Variants in C6orf136 observed in about 807,000 individuals in gnomAD.
The protein encoded by C6orf136 is uncharacterized protein C6orf136.
Under a neutral mutation model 44.0 loss-of-function variants are expected in C6orf136, and 29 were observed. That is an observed-to-expected ratio of 0.66 (90% CI 0.49 to 0.90). The LOEUF (loss-of-function observed/expected upper bound fraction) is 0.90, where lower values mean the gene tolerates loss of function less well. Ranked by LOEUF, C6orf136 falls within the 40% of genes least tolerant of loss-of-function variation. The pLI, the probability that C6orf136 is intolerant of heterozygous loss-of-function variation, is 0.00. For missense variants in C6orf136, 628 were observed against 669.3 expected, an observed-to-expected ratio of 0.94 and a Z score of 0.68; for synonymous variants, 293 against 278.6, an observed-to-expected ratio of 1.05 and a Z score of -0.52.
At position 30,647,497 on chromosome 6, in the gene C6orf136, G is replaced by A; in HGVS notation, c.266G>A (p.Arg89His). The change falls in exon 1 of 6, where the codon CGC becomes CAC. Residue 89 changes from arginine to histidine, a missense_variant. Coordinates refer to ENST00000651131, the MANE Select transcript of C6orf136 (RefSeq NM_001161376.2). The surrounding 1 kb of genome is among the most constrained non-coding windows in gnomAD (Gnocchi z 4.8). ...GAGGRRCRACRARTSVLPGLR... is the reference protein window; with the variant it reads ...GAGGRRCRACHARTSVLPGLR... ...GGAGGGAGGCGCTGCCGGGCCTGTC[G>A]CGCAAGGACGTCGGTCCTCCCAGGT... 2.7e-6 allele frequency: 4 copies of A among 1,495,660 alleles called. No individual in the cohort carries two copies. Among genetic ancestry groups the A allele is most frequent in the Non-Finnish European group, 3.6e-6 (4 of 1,115,874 alleles). The allele number at this position is 1,495,660 out of a possible 1,614,324, so 92.6% of individuals were successfully genotyped here. A position where few individuals can be genotyped will look rare whatever the true frequency, so the allele number is the denominator to read the frequency against.
chr6:30,650,338 G>C (rs1767289532), intron 2 of C6orf136, among the ~76,000 whole-genome samples: 1 of 149,290 alleles, frequency 6.7e-6, no homozygotes, highest in Non-Finnish European at 1.5e-5. Context: ...AGTGAAAGGA[G>C]ATATCTCCAT....
At chr6:30,652,473 C>CCAAA (rs1248327719) in intron 4 of C6orf136, 175 bp from the exon 5 acceptor site, 1 of 664,150 alleles carries the variant, frequency 1.5e-6, no homozygotes, top group African/African-American at 1.8e-5. Flanking sequence ...AATATTGACG[C>CCAAA]CAAACACTCT....
intron 2 of C6orf136, 45 bp downstream of exon 2, chr6:30,650,004 TGGGTAA>T (rs1767259106): frequency 6.4e-7 from 1 of 1,553,130 alleles, no homozygotes; most frequent in African/African-American, 1.4e-5. Flanking sequence ...GGGAAGGATG[TGGGTAA>T]TCCTTGGACG....
Position 30,647,363 on chromosome 6 carries a change from G to C in C6orf136, c.132G>C (p.Pro44=). ...RGGGERPSSK[P]VRGAERALGS... Reference sequence around the variant, plus strand: ...GCGGGGAGAGACCCTCCTCAAAGCCGGTGCGTGGGGCGGAGCGCGCGCTGG... The same window carrying C: ...GCGGGGAGAGACCCTCCTCAAAGCCCGTGCGTGGGGCGGAGCGCGCGCTGG... Residue 44 remains proline (P), a synonymous_variant, in exon 1 of 6, where the codon CCG becomes CCC. Transcript: ENST00000651131. This position sits in a 1 kb window ranked among gnomAD's most constrained non-coding sequence, Gnocchi z 4.8. 6.6e-7 allele frequency: 1 copy of C among 1,519,494 alleles called. No homozygotes were observed. The allele number at this position is 1,519,494 out of a possible 1,614,324, so 94.1% of individuals were successfully genotyped here.
Position 30,647,956 on chromosome 6 carries a change from G to A in C6orf136, c.615+110G>A, listed in dbSNP as rs1767029477. The A allele has an allele frequency of 8.6e-6, 12 of 1,395,702 alleles. No homozygotes were observed. The highest frequency in any genetic ancestry group is 1.0e-5 in the Non-Finnish European group (11 of 1,072,862). 86.5% of individuals were successfully genotyped at this position (1,395,702 alleles called of 1,614,324 possible). On this transcript the variant is annotated intron_variant, in intron 1 of 5. Coordinates refer to ENST00000651131, the MANE Select transcript of C6orf136 (RefSeq NM_001161376.2). This position sits in a 1 kb window ranked among gnomAD's most constrained non-coding sequence, Gnocchi z 4.8. Reference sequence around the variant, plus strand: ...TAACTTTGGGTGACCTCCCCTTGCAGTTTCAACGTCGGTAAACCCAGGAGA... The same window carrying A: ...TAACTTTGGGTGACCTCCCCTTGCAATTTCAACGTCGGTAAACCCAGGAGA...
In C6orf136 at chr6:30,647,581, A is replaced by C; in HGVS notation, c.350A>C (p.Asp117Ala). The C allele has an allele frequency of 1.3e-6, 2 of 1,539,156 alleles. No homozygotes were observed. Among genetic ancestry groups the C allele is most frequent in the Non-Finnish European group, 1.8e-6 (2 of 1,138,554 alleles). ...QAAGRVCVAP[D>A]SPRLPVPRGD... The stretch of plus-strand genomic sequence containing the variant: ...GCGGGGCGCGTCTGCGTTGCGCCCG[A>C]CTCTCCGCGGTTACCTGTGCCTAGA... The change falls in exon 1 of 6, where the codon GAC (aspartate) becomes GCC (alanine). Residue 117 changes from aspartate (D) to alanine (A), a missense_variant. Physicochemically the swap from Asp to Ala is moderately radical, Grantham distance 126 (BLOSUM62 -2). Transcript: ENST00000651131. This position sits in a 1 kb window ranked among gnomAD's most constrained non-coding sequence, Gnocchi z 4.8.
Position 30,653,182 on chromosome 6 carries a change from G to A in C6orf136, c.*267G>A, listed in dbSNP as rs1767614418. 3.2e-6 allele frequency: 5 copies of A among 1,538,730 alleles called. No individual in the cohort carries two copies. Among genetic ancestry groups the A allele is most frequent in the Non-Finnish European group, 4.4e-6 (5 of 1,136,600 alleles). ...TTCCAAAAATAATTTTATTTAATAG[G>A]TATTAAATAATGTATAGAAGGAAAA... On this transcript the variant is annotated 3_prime_UTR_variant, in exon 6 of 6. Coordinates refer to ENST00000651131, the MANE Select transcript of C6orf136 (RefSeq NM_001161376.2).
Position 30,647,440 on chromosome 6 carries a change from A to G in C6orf136, c.209A>G (p.Gln70Arg). 6.8e-7 allele frequency: 1 copy of G among 1,471,962 alleles called. No homozygotes were observed. The highest frequency in any genetic ancestry group is 1.4e-5 in the South Asian group (1 of 73,390). 91.2% of individuals were successfully genotyped at this position (1,471,962 alleles called of 1,614,324 possible). ...HPPPLPTCAL[Q>R]RVDRLGVAGA... ...CCGCCCCTTCCCACCTGTGCCCTGCAGCGCGTGGACAGGCTAGGGGTCGCG... is the reference window on the plus strand; with the variant it reads ...CCGCCCCTTCCCACCTGTGCCCTGCGGCGCGTGGACAGGCTAGGGGTCGCG... Residue 70 changes from glutamine (Q) to arginine (R), a missense_variant, in exon 1 of 6, where the codon CAG becomes CGG. Transcript: ENST00000651131. This position sits in a 1 kb window ranked among gnomAD's most constrained non-coding sequence, Gnocchi z 4.8.
chr6:30,649,920 G>A lies in C6orf136; in HGVS notation c.978G>A (p.Glu326=). 1 of 1,613,916 alleles carries A rather than the reference G, an allele frequency of 6.2e-7. No individual in the cohort carries two copies. The highest frequency in any genetic ancestry group is 8.5e-7 in the Non-Finnish European group (1 of 1,179,962). The change falls in exon 2 of 6, where the codon GAG becomes GAA. Residue 326 remains glutamate (E), a synonymous_variant. Transcript: ENST00000651131. ...CCCCGTCAGGAGATCCTAGTATGGA[G>A]GAACATCTGTCTGTCATGTATGAGA... The part of the protein sequence containing the change: ...PATPSGDPSM[E]EHLSVMYERL...
intron 1 of C6orf136, among the ~76,000 whole-genome samples, chr6:30,648,696 G>A (rs1283027144): frequency 1.5e-5 from 2 of 135,112 alleles, no homozygotes; most frequent in African/African-American, 5.2e-5. Flanking sequence ...CACCGCGCCC[G>A]GCCACATTTC....
Position 30,647,732 on chromosome 6 carries a change from G to A in C6orf136, c.501G>A (p.Arg167=). The change falls in exon 1 of 6, where the codon CGG becomes CGA. Residue 167 remains arginine, a synonymous_variant. Coordinates refer to ENST00000651131, the MANE Select transcript of C6orf136 (RefSeq NM_001161376.2). This position sits in a 1 kb window ranked among gnomAD's most constrained non-coding sequence, Gnocchi z 4.8. The part of the protein sequence containing the change: ...QQPARLALGE[R]SWQEGRPVCT... ...CCGCCCGTCTTGCACTCGGAGAGCG[G>A]TCCTGGCAGGAAGGCCGGCCAGTGT... 1.9e-6 allele frequency: 3 copies of A among 1,549,732 alleles called. No individual in the cohort carries two copies. Among genetic ancestry groups the A allele is most frequent in the Non-Finnish European group, 2.6e-6 (3 of 1,146,688 alleles).
intron 3 of C6orf136, 62 bp downstream of exon 3, chr6:30,651,144 C>A (rs1767366941): frequency 1.3e-6 from 2 of 1,555,732 alleles, no homozygotes; most frequent in South Asian, 1.1e-5. Flanking sequence ...ATATACATGA[C>A]CCTTTTCACT....
Position 30,653,175 on chromosome 6 carries a change from TTAATAGGTATTAAA to T in C6orf136, c.*265_*278del. On this transcript the variant is annotated 3_prime_UTR_variant, in exon 6 of 6. Coordinates refer to ENST00000651131, the MANE Select transcript of C6orf136 (RefSeq NM_001161376.2). ...AGCTTTATTCCAAAAATAATTTTAT[TTAATAGGTATTAAA>T]TAATGTATAGAAGGAAAAGGAGCTG... 6.6e-7 allele frequency: 1 copy of T among 1,524,310 alleles called. No homozygotes were observed. The highest frequency in any genetic ancestry group is 8.8e-7 in the Non-Finnish European group (1 of 1,132,782). 94.4% of individuals were successfully genotyped at this position (1,524,310 alleles called of 1,614,324 possible).
intron 1 of C6orf136, among the ~76,000 whole-genome samples, chr6:30,648,702 ATTTC>A (rs369853832): frequency 9.6e-4 from 128 of 133,910 alleles, no homozygotes; most frequent in African/African-American, 3.2e-3. Context: ...GCCCGGCCAC[ATTTC>A]TTTAAGATTC....
At position 30,647,329 on chromosome 6, in the gene C6orf136, G is replaced by A; in HGVS notation, c.98G>A (p.Arg33Lys). The A allele has an allele frequency of 6.3e-7, 1 of 1,580,718 alleles. No individual in the cohort carries two copies. The change falls in exon 1 of 6, where the codon AGG becomes AAG. Residue 33 changes from arginine to lysine, a missense_variant. Physicochemically the swap from Arg to Lys is conservative, Grantham distance 26. Coordinates refer to ENST00000651131, the MANE Select transcript of C6orf136 (RefSeq NM_001161376.2). This position sits in a 1 kb window ranked among gnomAD's most constrained non-coding sequence, Gnocchi z 4.8. ...GTGAGCGGAGGAGAAGAGGGAGGGA[G>A]GAGAGGGGGCGGGGAGAGACCCTCC... ...PQVSGGEEGGRRGGGERPSSK... is the reference protein window; with the variant it reads ...PQVSGGEEGGKRGGGERPSSK...
At chr6:30,650,039 G>T in intron 2 of C6orf136, 80 bp downstream of exon 2, 1 of 1,306,798 alleles carries the variant, frequency 7.7e-7, no homozygotes, top group South Asian at 1.3e-5. Flanking sequence ...TAGTCAACTG[G>T]ATTCTTTTTT....
At position 30,652,009 on chromosome 6, in the gene C6orf136, G is replaced by A. The variant is rs112760564; in HGVS notation, c.1307+543G>A. On this transcript the variant is annotated intron_variant, in intron 4 of 5. Transcript: ENST00000651131. ...CTCATGCCTGTAATGCCAGCACTTT[G>A]GGAGGCCGAGGTGGGCGGATCACTT... Among the ~76,000 whole-genome samples the A allele has an allele frequency of 2.9e-3, 445 of 152,108 alleles. 3 individuals are homozygous for A. Among genetic ancestry groups the A allele is most frequent in the African/African-American group, 9.5e-3 (396 of 41,474 alleles).
At position 30,651,032 on chromosome 6, in the gene C6orf136, G is replaced by A; in HGVS notation, c.1056G>A (p.Leu352=). Residue 352 remains leucine (L), a synonymous_variant, in exon 3 of 6, where the codon CTG becomes CTA. Coordinates refer to ENST00000651131, the MANE Select transcript of C6orf136 (RefSeq NM_001161376.2). ...KLFLQSHDYS[L]YSLDVEFINE... ...TCCTTCAGTCCCACGACTACAGTCT[G>A]TATTCCTTGGATGTGGAATTCATCA... The A allele has an allele frequency of 2.5e-6, 4 of 1,614,078 alleles. No individual in the cohort carries two copies. The highest frequency in any genetic ancestry group is 1.3e-5 in the African/African-American group (1 of 75,012).
At chr6:30,648,404 T>G (rs1309837374) in intron 1 of C6orf136, among the ~76,000 whole-genome samples, 1 of 151,546 alleles carries the variant, frequency 6.6e-6, no homozygotes, top group African/African-American at 2.4e-5. Flanking sequence ...GGAATCTTTT[T>G]TTTTTTTTTT....
Sources: gnomAD v4.1 joint callset for allele counts (sites outside exome capture counted in the v4.1 genomes callset) on GRCh38, gnomAD v4.1.1 for gene constraint, Gnocchi (gnomAD v3.1) non-coding constraint, MANE v1.5 for transcripts, NCBI Gene and HGNC (gene_info 2026-07-23, HGNC 2026-07-21) for gene names.